Variants in CREB3L1 observed in about 807,000 individuals in gnomAD.
CREB3L1 encodes cAMP responsive element binding protein 3 like 1.
Under a neutral mutation model 54.5 loss-of-function variants are expected in CREB3L1, and 33 were observed. That is an observed-to-expected ratio of 0.61 (90% CI 0.46 to 0.81). The LOEUF is 0.81. CREB3L1 is among the 30% of genes least tolerant of loss of function. The pLI is 0.00. For synonymous variants in CREB3L1, 284 were observed against 286.4 expected (o/e 0.99, Z 0.08); for missense variants, 656 against 673.3 (o/e 0.97, Z 0.29).
At chr11:46,282,306 G>A (rs1210116672) in intron 1 of CREB3L1, among the ~76,000 whole-genome samples, 1 of 152,172 alleles carries the variant, frequency 6.6e-6, no homozygotes, top group African/African-American at 2.4e-5. Flanking sequence ...GGTTTTTAAT[G>A]AGTTCTCATT....
rs367930951 is a variant in CREB3L1, at chr11:46,320,431, C to A, written c.1426C>A (p.His476Asn). Residue 476 changes from histidine to asparagine, a missense_variant, in exon 11 of 12, where the codon CAC (histidine) becomes AAC (asparagine). Transcript: ENST00000621158. ...GCAGCATGATCACCTGGACAGCACC[C>A]ACGAGACCACCAAGTACCTGAGTGA... is the stretch of plus-strand genomic sequence containing the variant. Reference protein sequence around the residue: ...HLQHDHLDSTHETTKYLSEAW... With the variant: ...HLQHDHLDSTNETTKYLSEAW... 1 of 1,610,766 alleles carries A rather than the reference C, an allele frequency of 6.2e-7. No homozygotes were observed. The highest frequency in any genetic ancestry group is 8.5e-7 in the Non-Finnish European group (1 of 1,178,690).
chr11:46,313,083 C>T (rs965251274), intron 8 of CREB3L1, among the ~76,000 whole-genome samples, 164 bp downstream of exon 8: 3 of 152,108 alleles, frequency 2.0e-5, no homozygotes, highest in African/African-American at 4.8e-5. Context: ...CATCCTGCCC[C>T]TCTCTGTGTT....
At chr11:46,286,787 AAAAC>A (rs979234709) in intron 1 of CREB3L1, among the ~76,000 whole-genome samples, 4 of 152,356 alleles carry the variant, frequency 2.6e-5, no homozygotes, top group Non-Finnish European at 4.4e-5. Flanking sequence ...TCTGTCTCAA[AAAAC>A]AAACAGACAA....
At chr11:46,289,781 G>A (rs1029435998) in intron 1 of CREB3L1, among the ~76,000 whole-genome samples, 2 of 152,208 alleles carry the variant, frequency 1.3e-5, no homozygotes, top group African/African-American at 4.8e-5. Flanking sequence ...GTGGTAAGTT[G>A]GGATCAGTTT....
At chr11:46,296,141 G>T (rs376897618) in intron 1 of CREB3L1, among the ~76,000 whole-genome samples, 1 of 152,252 alleles carries the variant, frequency 6.6e-6, no homozygotes, top group South Asian at 2.1e-4. Context: ...CCGACCCCTT[G>T]CTCTTGCTCC....
intron 1 of CREB3L1, among the ~76,000 whole-genome samples, chr11:46,284,658 A>G (rs77673684): frequency 3.0e-4 from 45 of 148,804 alleles, no homozygotes; most frequent in African/African-American, 1.1e-3. Flanking sequence ...CCATCTCCAA[A>G]AAAAAAAAAA....
chr11:46,281,347 C>T (rs1343514989), intron 1 of CREB3L1, among the ~76,000 whole-genome samples: 1 of 152,212 alleles, frequency 6.6e-6, no homozygotes, highest in African/African-American at 2.4e-5. Flanking sequence ...GGTCGTTTCT[C>T]CAGATGGAAA....
At chr11:46,302,168 A>AAT (rs1939312823) in intron 2 of CREB3L1, among the ~76,000 whole-genome samples, 2 of 135,628 alleles carry the variant, frequency 1.5e-5, no homozygotes, top group Non-Finnish European at 3.1e-5. Context: ...GCTCCGTCTC[A>AAT]AATAATAATA....
chr11:46,308,019 T>G lies in CREB3L1; in HGVS notation c.516+19T>G, dbSNP rs759585509. On this transcript the variant is annotated intron_variant, in intron 3 of 11. Coordinates refer to ENST00000621158, the MANE Select transcript of CREB3L1 (RefSeq NM_052854.4). ...CCACCAGGTGAGCCTGGGAACTGTTTGTAGCGGCTGAGGGAGGGAGGAGGG... is the reference window on the plus strand; with the variant it reads ...CCACCAGGTGAGCCTGGGAACTGTTGGTAGCGGCTGAGGGAGGGAGGAGGG... The G allele has an allele frequency of 1.1e-5, 16 of 1,498,726 alleles. No individual in the cohort carries two copies. In the East Asian group the frequency reaches 3.9e-4, roughly 37 times the overall value. 92.8% of individuals were successfully genotyped at this position (1,498,726 alleles called of 1,614,324 possible).
At position 46,320,814 on chromosome 11, in the gene CREB3L1, C is replaced by T; in HGVS notation, c.*68C>T. The T allele has an allele frequency of 2.0e-6, 3 of 1,528,940 alleles. No individual in the cohort carries two copies. Among genetic ancestry groups the T allele is most frequent in the Non-Finnish European group, 2.7e-6 (3 of 1,116,418 alleles). 94.7% of individuals were successfully genotyped at this position (1,528,940 alleles called of 1,614,324 possible). ...AGAAGAGGAGTTCTTGCTCACTAAC[C>T]CGGATCCGCCTCGTGCCCCTGCCTC... On this transcript the variant is annotated 3_prime_UTR_variant, in exon 12 of 12. Coordinates refer to ENST00000621158, the MANE Select transcript of CREB3L1 (RefSeq NM_052854.4).
chr11:46,317,783 T>A (rs550975776), intron 10 of CREB3L1, among the ~76,000 whole-genome samples: 1 of 152,316 alleles, frequency 6.6e-6, no homozygotes, highest in South Asian at 2.1e-4. Flanking sequence ...GTTCCAGCCC[T>A]GGGCCCCATG....
intron 11 of CREB3L1, 28 bp downstream of exon 11, chr11:46,320,556 G>A (rs1939635901): frequency 6.4e-7 from 1 of 1,558,310 alleles, no homozygotes. Flanking sequence ...TTTCCCTCCT[G>A]AGGTCTCAGG....
rs554533671 is a variant in CREB3L1 at position 46,283,920 on chromosome 11, T to C, written c.102+5707T>C. 5.6e-4 allele frequency among the ~76,000 whole-genome samples: 85 copies of C among 152,234 alleles called. No homozygotes were observed. The South Asian group carries it at 0.017, about 30-fold the overall frequency. Reference sequence around the variant, plus strand: ...GTTCAAGAGGTGTACTTATGATTCCTGAAGGGATCCTGGGGTTTTCAGGAT... The same window carrying C: ...GTTCAAGAGGTGTACTTATGATTCCCGAAGGGATCCTGGGGTTTTCAGGAT... On this transcript the variant is annotated intron_variant, in intron 1 of 11. Coordinates refer to ENST00000621158, the MANE Select transcript of CREB3L1 (RefSeq NM_052854.4).
At chr11:46,307,549 A>G (rs1939416918) in intron 2 of CREB3L1, among the ~76,000 whole-genome samples, 1 of 152,320 alleles carries the variant, frequency 6.6e-6, no homozygotes, top group Admixed American at 6.5e-5. Flanking sequence ...AGGTTAAGCA[A>G]CTAGCCTAAG....
At chr11:46,290,842 G>GA (rs1351979542) in intron 1 of CREB3L1, among the ~76,000 whole-genome samples, 1 of 152,094 alleles carries the variant, frequency 6.6e-6, no homozygotes, top group Non-Finnish European at 1.5e-5. Context: ...ACATTCCTGA[G>GA]ACATCTGGAT....
intron 1 of CREB3L1, among the ~76,000 whole-genome samples, chr11:46,290,482 C>A (rs552940389): frequency 2.0e-5 from 3 of 150,008 alleles, no homozygotes; most frequent in Admixed American, 2.0e-4. Flanking sequence ...CGCCCCAAGG[C>A]CTTCACCCCT....
At chr11:46,314,922 G>A (rs1939544041) in intron 8 of CREB3L1, among the ~76,000 whole-genome samples, 1 of 151,808 alleles carries the variant, frequency 6.6e-6, no homozygotes, top group South Asian at 2.1e-4. Context: ...TGGCCAGGCT[G>A]GTCTTGAACT....
At chr11:46,299,864 C>A in intron 1 of CREB3L1, 71 bp from the exon 2 acceptor site, 1 of 1,127,018 alleles carries the variant, frequency 8.9e-7, no homozygotes, top group South Asian at 1.3e-5. Context: ...GCTGCACCAC[C>A]ACAGTAGCAC....
chr11:46,279,946 G>T (rs1001810721), intron 1 of CREB3L1, among the ~76,000 whole-genome samples: 1 of 152,168 alleles, frequency 6.6e-6, no homozygotes, highest in Non-Finnish European at 1.5e-5. Context: ...AAAGAGGCAC[G>T]ACCAGACAGT....
Sources: allele counts gnomAD v4.1 joint callset (sites outside exome capture counted in the v4.1 genomes callset), GRCh38; gene constraint gnomAD v4.1.1; transcripts MANE v1.5; gene names NCBI Gene and HGNC (gene_info 2026-07-23, HGNC 2026-07-21).